The following DGKB variants were observed in gnomAD, a reference collection of about 807,000 sequenced individuals.
DGKB encodes the protein diacylglycerol kinase beta.
DGKB carries 67 observed loss-of-function variants against 114.3 expected under a neutral mutation model. That is an observed-to-expected ratio of 0.59 (90% CI 0.48 to 0.72). The LOEUF (loss-of-function observed/expected upper bound fraction) is 0.72, where lower values mean the gene tolerates loss of function less well. DGKB is among the 30% of genes least tolerant of loss of function. The probability of loss-of-function intolerance (pLI) is 0.00; values close to 1 mark genes in which losing one functional copy is unlikely to be tolerated. For missense variants in DGKB, 907 were observed against 975.2 expected (o/e 0.93, Z 0.93); for synonymous variants, 398 against 323.1 (o/e 1.23, Z -2.49).
At chr7:14,750,146 A>G (rs1010684619) in intron 4 of DGKB, 1 of 518,594 alleles carries the variant, frequency 1.9e-6, no homozygotes, top group Non-Finnish European at 3.9e-6. Context: ...GCCCAACACC[A>G]CAAGCTTCTA....
At chr7:14,174,074 G>T (rs2128240505) in intron 25 of DGKB, among the ~76,000 whole-genome samples, 1 of 152,236 alleles carries the variant, frequency 6.6e-6, no homozygotes, top group African/African-American at 2.4e-5. Flanking sequence ...ACATTTTCAA[G>T]CTGGAGAAGC....
intron 13 of DGKB, among the ~76,000 whole-genome samples, chr7:14,649,514 A>T (rs1437247364): frequency 6.6e-6 from 1 of 152,038 alleles, no homozygotes; most frequent in South Asian, 2.1e-4. Flanking sequence ...ATGGAAAGGA[A>T]CAACCGGTAC....
chr7:14,861,595 T>G (rs1282724798), intron 1 of DGKB, among the ~76,000 whole-genome samples: 2 of 151,976 alleles, frequency 1.3e-5, no homozygotes, highest in East Asian at 3.9e-4. Context: ...GATGCCTGTT[T>G]GCCTGTCTCT....
chr7:14,613,533 ATG>A (rs1283330779), intron 15 of DGKB, 120 bp from the exon 16 acceptor site: 73 of 628,472 alleles, frequency 1.2e-4, no homozygotes, highest in South Asian at 2.4e-4. Flanking sequence ...ACTTTCCACA[ATG>A]TGTGTGTGTG....
In DGKB at chr7:14,613,361, CT is replaced by C; in HGVS notation, c.1336del (p.Ser446ValfsTer17). 6.4e-7 allele frequency: 1 copy of C among 1,570,766 alleles called. No homozygotes were observed. The highest frequency in any genetic ancestry group is 1.8e-5 in the Admixed American group (1 of 54,348). On this transcript the variant is annotated frameshift_variant, in exon 16 of 26. Coordinates refer to ENST00000402815, the MANE Select transcript of DGKB (RefSeq NM_001350709.2). LOFTEE classifies it high-confidence loss of function. ...HPLLVFVNPKSGGKQGERIYR... is the reference protein window; with the variant it reads ...HPLLVFVNPKXGGKQGERIYR... ...ATACCGTTCTCCTTGTTTTCCACCA[CT>C]TTTGGGGTTCACAAAAACTAAAAGT... is the stretch of plus-strand genomic sequence containing the variant.
intron 10 of DGKB, 141 bp from the exon 11 acceptor site, chr7:14,682,982 C>T (rs1037899342): frequency 1.6e-6 from 1 of 642,820 alleles, no homozygotes; most frequent in African/African-American, 1.8e-5. Context: ...AGGAGAAGTC[C>T]AAGTCGACTG....
intron 21 of DGKB, among the ~76,000 whole-genome samples, chr7:14,366,510 G>A (rs906029875): frequency 2.0e-5 from 3 of 152,124 alleles, no homozygotes. Context: ...AAGCTAACAT[G>A]CTGTTAGTGA....
Position 14,287,994 on chromosome 7 carries a change from C to T in DGKB, c.2122+50521G>A, listed in dbSNP as rs189069831. ...CATATAATGGAGAGGAATGACAGAA[C>T]CAGCCAAGGCTATGATGCTTCAGGA... On this transcript the variant is annotated intron_variant, in intron 23 of 25. Transcript: ENST00000402815. Among the ~76,000 whole-genome samples the T allele has an allele frequency of 3.4e-4, 51 of 152,218 alleles. 1 individual carries two copies. The Middle Eastern group carries it at 0.014, about 41-fold the overall frequency.
At chr7:14,352,941 A>G (rs555064945) in intron 21 of DGKB, among the ~76,000 whole-genome samples, 1 of 136,766 alleles carries the variant, frequency 7.3e-6, no homozygotes, top group African/African-American at 2.8e-5. Context: ...AACAAAAAAA[A>G]CCAAACAAAT....
intron 2 of DGKB, among the ~76,000 whole-genome samples, chr7:14,836,798 G>A (rs185159852): frequency 1.3e-4 from 20 of 152,318 alleles, no homozygotes; most frequent in Non-Finnish European, 2.1e-4. Context: ...AGCTGCCTTC[G>A]GCATTTGTAG....
chr7:14,415,565 C>A (rs1271916374), intron 21 of DGKB, among the ~76,000 whole-genome samples: 1 of 151,924 alleles, frequency 6.6e-6, no homozygotes, highest in Non-Finnish European at 1.5e-5. Flanking sequence ...ATGATGGTTT[C>A]CAGCTTCATC....
At chr7:14,534,312 A>T (rs1792073802) in intron 20 of DGKB, among the ~76,000 whole-genome samples, 1 of 152,066 alleles carries the variant, frequency 6.6e-6, no homozygotes, top group Non-Finnish European at 1.5e-5. Flanking sequence ...TATGCAAAAG[A>T]CAAAGAGGAA....
intron 2 of DGKB, among the ~76,000 whole-genome samples, chr7:14,767,069 A>T (rs2191477): frequency 0.38 from 57,245 of 151,326 alleles, 15,680 homozygotes; most frequent in African/African-American, 0.76. Context: ...TTCAAAAACA[A>T]TTTTTTGCCA....
chr7:14,247,476 C>T (rs920206946), intron 23 of DGKB, among the ~76,000 whole-genome samples: 1 of 152,066 alleles, frequency 6.6e-6, no homozygotes, highest in Admixed American at 6.5e-5. Context: ...GAGCAGGGTA[C>T]AAGTGTTCCC....
intron 1 of DGKB, among the ~76,000 whole-genome samples, chr7:14,952,246 T>C (rs764695527): frequency 1.3e-5 from 2 of 152,068 alleles, no homozygotes; most frequent in African/African-American, 4.8e-5. Context: ...ACCCTGATGA[T>C]ACCTTAATCT....
At chr7:14,918,351 C>CA (rs1212320180) in intron 1 of DGKB, among the ~76,000 whole-genome samples, 2 of 151,970 alleles carry the variant, frequency 1.3e-5, no homozygotes, top group Non-Finnish European at 2.9e-5. Flanking sequence ...AAAAGAACAA[C>CA]AAAAATGAAA....
Position 14,832,703 on chromosome 7 carries a change from C to T in DGKB, c.70+8491G>A, listed in dbSNP as rs554434424. Among the ~76,000 whole-genome samples the T allele has an allele frequency of 3.3e-5, 5 of 152,148 alleles. No individual in the cohort carries two copies. The South Asian group carries it at 1.0e-3, about 32-fold the overall frequency. On this transcript the variant is annotated intron_variant, in intron 2 of 25. Transcript: ENST00000402815. ...CTGGTTACAATTTCTCAGTTGTTTT[C>T]ATGGAGATCTCATCTTCCAACTGTC...
chr7:14,240,054 A>T (rs2158827), intron 23 of DGKB, among the ~76,000 whole-genome samples: 91,577 of 151,482 alleles, frequency 0.6, 29,003 homozygotes, highest in African/African-American at 0.79. Context: ...AATGGAAAGA[A>T]ACATGTGACA....
At chr7:14,419,392 C>A (rs146409489) in intron 21 of DGKB, among the ~76,000 whole-genome samples, 414 of 152,014 alleles carry the variant, frequency 2.7e-3, no homozygotes, top group African/African-American at 9.5e-3. Flanking sequence ...AATTCTCAGT[C>A]AACTGTAAAA....
Sources: gnomAD v4.1 joint callset for allele counts (sites outside exome capture counted in the v4.1 genomes callset) on GRCh38, gnomAD v4.1.1 for gene constraint, MANE v1.5 for transcripts, NCBI Gene and HGNC (gene_info 2026-07-23, HGNC 2026-07-21) for gene names.